NF1: variants seen among roughly 807,000 people sequenced by gnomAD.
NF1 encodes the protein neurofibromin.
NF1 carries 122 observed loss-of-function variants against 325.7 expected under a neutral mutation model. That is an observed-to-expected ratio of 0.37 (90% CI 0.32 to 0.44). The LOEUF (loss-of-function observed/expected upper bound fraction) is 0.44, where lower values mean the gene tolerates loss of function less well. NF1 is among the 20% of genes least tolerant of loss of function. The pLI is 1.00. For missense variants in NF1, 2,140 were observed against 3,415.4 expected, an observed-to-expected ratio of 0.63 and a Z score of 9.31; for synonymous variants, 1,091 against 1,186.0, an observed-to-expected ratio of 0.92 and a Z score of 1.65.
chr17:31,309,560 T>A (rs2068814537), intron 36 of NF1, among the ~76,000 whole-genome samples: 1 of 152,210 alleles, frequency 6.6e-6, no homozygotes, highest in African/African-American at 2.4e-5. Flanking sequence ...AACTTCATTT[T>A]AAAAATCTGT....
At chr17:31,298,589 T>C (rs1210048081) in intron 36 of NF1, among the ~76,000 whole-genome samples, 2 of 152,122 alleles carry the variant, frequency 1.3e-5, no homozygotes, top group African/African-American at 2.4e-5. Flanking sequence ...CCTCGAAAAG[T>C]ATCTGCATTT....
At chr17:31,294,645 A>C in intron 36 of NF1, 1 of 229,012 alleles carries the variant, frequency 4.4e-6, no homozygotes, top group Non-Finnish European at 8.7e-6. Flanking sequence ...CAAATGACAC[A>C]GTTATGAGCA....
At chr17:31,344,213 C>T (rs2069908803) in intron 48 of NF1, among the ~76,000 whole-genome samples, 1 of 152,178 alleles carries the variant, frequency 6.6e-6, no homozygotes, top group African/African-American at 2.4e-5. Context: ...CTTTCTGGCA[C>T]CCTATTCTCA....
chr17:31,230,305 A>T lies in NF1; in HGVS notation c.3036A>T (p.Lys1012Asn), dbSNP rs2151431580. ...ATATGGTCCATGCAATTCAAATAAA[A>T]ACGAAACTGTGTCAATTAGTTGAAG... is the stretch of plus-strand genomic sequence containing the variant. Reference protein sequence around the residue: ...LGNMVHAIQIKTKLCQLVEVM... With the variant: ...LGNMVHAIQINTKLCQLVEVM... Residue 1012 changes from lysine (K) to asparagine (N), a missense_variant, in exon 23 of 58, where the codon AAA becomes AAT. Lys to Asn is a moderately conservative substitution (Grantham distance 94, BLOSUM62 0). Around this residue, in one of 10 missense-constraint regions of NF1, gnomAD observed 380 missense variants for 639.3 expected, o/e 0.59. Transcript: ENST00000358273. 1 of 1,612,172 alleles carries T rather than the reference A, an allele frequency of 6.2e-7. No individual in the cohort carries two copies. Among genetic ancestry groups the T allele is most frequent in the Non-Finnish European group, 8.5e-7 (1 of 1,178,948 alleles).
chr17:31,353,119 G>C (rs1290841474), intron 51 of NF1, among the ~76,000 whole-genome samples: 1 of 152,066 alleles, frequency 6.6e-6, no homozygotes, highest in Non-Finnish European at 1.5e-5. Flanking sequence ...ATGTTGGCCA[G>C]GCTAGTCTTG....
chr17:31,177,303 C>A (rs1032849477), intron 5 of NF1, among the ~76,000 whole-genome samples: 1 of 152,044 alleles, frequency 6.6e-6, no homozygotes, highest in African/African-American at 2.4e-5. Context: ...CTCCAGCAAA[C>A]TCCAGCAGAC....
At chr17:31,360,877 A>G (rs1209892327) in intron 57 of NF1, 174 bp downstream of exon 57, 12 of 651,430 alleles carry the variant, frequency 1.8e-5, no homozygotes, top group Non-Finnish European at 3.0e-5. Flanking sequence ...GAAGCTTTCT[A>G]CTTTCAAACA....
In NF1 at chr17:31,206,416, A is replaced by AT. The variant is rs754290050; in HGVS notation, c.1392+53dup. ...TTGAATCTCACCTCCTTTCTATTGC[A>AT]TTTTTTTTAGTGTCTTTATCCTATT... On this transcript the variant is annotated intron_variant, in intron 12 of 57. Coordinates refer to ENST00000358273, the MANE Select transcript of NF1 (RefSeq NM_001042492.3). 9.0e-5 allele frequency: 144 copies of AT among 1,607,166 alleles called. 3 individuals are homozygous for AT. The highest frequency in any genetic ancestry group is 7.7e-4 in the Admixed American group (46 of 59,874).
At chr17:31,370,087 C>T (rs1048461403) in intron 57 of NF1, among the ~76,000 whole-genome samples, 9 of 151,934 alleles carry the variant, frequency 5.9e-5, no homozygotes, top group African/African-American at 2.2e-4. Context: ...TGAAGTTGAA[C>T]TTAGGAATCA....
At chr17:31,331,586 G>A (rs902692307) in intron 39 of NF1, 1 of 152,128 alleles carries the variant, frequency 6.6e-6, no homozygotes, top group Non-Finnish European at 1.5e-5. Context: ...ATCAGTTTAA[G>A]AGAAACAGAT....
chr17:31,261,041 G>A (rs1387024918), intron 34 of NF1, among the ~76,000 whole-genome samples: 5 of 151,996 alleles, frequency 3.3e-5, no homozygotes, highest in East Asian at 1.9e-4. Context: ...TCAGGAGTTC[G>A]AGATCAGGCT....
intron 29 of NF1, among the ~76,000 whole-genome samples, chr17:31,237,010 G>A (rs1462178151): frequency 6.6e-6 from 1 of 152,026 alleles, no homozygotes; most frequent in Non-Finnish European, 1.5e-5. Flanking sequence ...GAATTTTAAC[G>A]GAATATCTTA....
rs2151572608 is a variant in NF1, at chr17:31,349,162, G to C, written c.7232G>C (p.Arg2411Thr). The stretch of plus-strand genomic sequence containing the variant: ...CCTGCTATTGTTGCAAGAACAGTCA[G>C]AATTTTACATACACTACTAACTCTG... ...PSPAIVARTVRILHTLLTLVN... is the reference protein window; with the variant it reads ...PSPAIVARTVTILHTLLTLVN... The change falls in exon 49 of 58, where the codon AGA (arginine) becomes ACA (threonine). Residue 2411 changes from arginine to threonine, a missense_variant. Coordinates refer to ENST00000358273, the MANE Select transcript of NF1 (RefSeq NM_001042492.3). 1 of 1,611,194 alleles carries C rather than the reference G, an allele frequency of 6.2e-7. No homozygotes were observed. The highest frequency in any genetic ancestry group is 8.5e-7 in the Non-Finnish European group (1 of 1,178,404).
At chr17:31,249,968 A>G (rs764027510) in intron 30 of NF1, 1 of 491,162 alleles carries the variant, frequency 2.0e-6, no homozygotes, top group South Asian at 1.5e-5. Context: ...CATCGCAGCC[A>G]TTTGCTTTTT....
chr17:31,286,734 A>G (rs2068235599), intron 36 of NF1, among the ~76,000 whole-genome samples: 1 of 152,234 alleles, frequency 6.6e-6, no homozygotes, highest in Non-Finnish European at 1.5e-5. Flanking sequence ...TACACTACAT[A>G]ATATCTCAAA....
At chr17:31,290,240 C>G (rs909493069) in intron 36 of NF1, among the ~76,000 whole-genome samples, 1 of 151,976 alleles carries the variant, frequency 6.6e-6, no homozygotes, top group Non-Finnish European at 1.5e-5. Flanking sequence ...AATTAAATAG[C>G]CTTCCACCTG....
intron 36 of NF1, among the ~76,000 whole-genome samples, chr17:31,322,984 T>C (rs1317387510): frequency 1.3e-5 from 2 of 152,222 alleles, no homozygotes; most frequent in Non-Finnish European, 2.9e-5. Flanking sequence ...TACATCACTG[T>C]CTTTGGTCAT....
chr17:31,271,830 C>T (rs2067904307), intron 36 of NF1, among the ~76,000 whole-genome samples: 1 of 151,846 alleles, frequency 6.6e-6, no homozygotes, highest in South Asian at 2.1e-4. Flanking sequence ...ATCCCCTATC[C>T]CCTATCCTTC....
chr17:31,151,570 CTG>C (rs1916946312), intron 1 of NF1, among the ~76,000 whole-genome samples: 1 of 152,174 alleles, frequency 6.6e-6, no homozygotes, highest in African/African-American at 2.4e-5. Context: ...ACGGTGAAAT[CTG>C]TAGATGCTCA....
Sources: allele counts gnomAD v4.1 joint callset (sites outside exome capture counted in the v4.1 genomes callset), GRCh38; gene constraint gnomAD v4.1.1; regional missense constraint gnomAD v4.1.1; transcripts MANE v1.5; gene names NCBI Gene and HGNC (gene_info 2026-07-23, HGNC 2026-07-21).